The following TUSC3 variants were observed in gnomAD, a reference collection of about 807,000 sequenced individuals.
TUSC3 encodes tumor suppressor candidate 3, also known as dolichyl-diphosphooligosaccharide--protein glycosyltransferase subunit TUSC3.
In TUSC3, 45 loss-of-function variants were observed where a neutral mutation model predicts 44.8. That is an observed-to-expected ratio of 1.00 (90% confidence interval 0.79 to 1.29). The LOEUF is 1.29. TUSC3 is among the 50% of genes most tolerant of loss of function. The pLI is 0.00. For synonymous variants in TUSC3, 212 were observed against 152.9 expected, an observed-to-expected ratio of 1.39 and a Z score of -2.85; for missense variants, 519 against 437.9, an observed-to-expected ratio of 1.19 and a Z score of -1.65.
At chr8:15,847,754 T>A in the TUSC3 span, among the ~76,000 whole-genome samples, 1 of 152,162 alleles carries the variant, frequency 6.6e-6, no homozygotes, top group Non-Finnish European at 1.5e-5. Context: ...ATTTTCAATA[T>A]ATCTGCTTTT....
At chr8:15,746,323 T>C (rs1811413293) in intron 8 of TUSC3, among the ~76,000 whole-genome samples, 1 of 152,092 alleles carries the variant, frequency 6.6e-6, no homozygotes, top group South Asian at 2.1e-4. Flanking sequence ...TAATTATTCA[T>C]GTTGTGTATG....
At chr8:15,833,730 T>G in the TUSC3 span, among the ~76,000 whole-genome samples, 1 of 152,062 alleles carries the variant, frequency 6.6e-6, no homozygotes, top group Admixed American at 6.6e-5. Context: ...AGAAAATAAC[T>G]AATGGGTACT....
Position 15,677,409 on chromosome 8 carries a change from A to G in TUSC3, c.798+3573A>G, listed in dbSNP as rs968047502. On this transcript the variant is annotated intron_variant, in intron 6 of 10. Transcript: ENST00000503731. ...AGAAAGTAAAGACTCTGGCTCACAGAGACATTTTTATGCCTTTGTCCTGAA... is the reference window on the plus strand; with the variant it reads ...AGAAAGTAAAGACTCTGGCTCACAGGGACATTTTTATGCCTTTGTCCTGAA... Among the ~76,000 whole-genome samples, 26 of 152,254 alleles carry G rather than the reference A, an allele frequency of 1.7e-4. 1 individual carries two copies. The highest frequency in any genetic ancestry group is 3.7e-4 in the Non-Finnish European group (25 of 68,050).
At chr8:15,617,813 C>A (rs145005982) in intron 1 of TUSC3, among the ~76,000 whole-genome samples, 1 of 152,118 alleles carries the variant, frequency 6.6e-6, no homozygotes, top group Non-Finnish European at 1.5e-5. Context: ...CCTGGCTGAT[C>A]ATTTAAAAAT....
chr8:15,756,768 C>A (rs941551102), intron 9 of TUSC3, among the ~76,000 whole-genome samples: 1 of 152,152 alleles, frequency 6.6e-6, no homozygotes, highest in Non-Finnish European at 1.5e-5. Context: ...CCAAATGACA[C>A]CCCCTGGAGT....
At chr8:15,803,183 T>G in the TUSC3 span, among the ~76,000 whole-genome samples, 15 of 150,308 alleles carry the variant, frequency 1.0e-4, no homozygotes, top group Non-Finnish European at 1.6e-4. Flanking sequence ...CCAAATTGCC[T>G]AAAACGTGCT....
intron 7 of TUSC3, among the ~76,000 whole-genome samples, chr8:15,732,684 T>C (rs893726352): frequency 1.3e-5 from 2 of 152,166 alleles, no homozygotes; most frequent in Non-Finnish European, 2.9e-5. Context: ...GTATAACTTA[T>C]AAGGTAATAC....
intron 2 of TUSC3, among the ~76,000 whole-genome samples, chr8:15,491,934 A>C (rs1345660836): frequency 6.6e-6 from 1 of 152,188 alleles, no homozygotes; most frequent in South Asian, 2.1e-4. Context: ...TACAACTTTA[A>C]TACTCTTTAC....
intron 6 of TUSC3, chr8:15,688,871 T>G (rs1808762505): frequency 6.2e-6 from 1 of 161,246 alleles, no homozygotes; most frequent in African/African-American, 2.4e-5. Flanking sequence ...CTAGGTAGGA[T>G]TAAGATACTG....
At chr8:15,468,571 C>T (rs1185262095) in intron 1 of TUSC3, among the ~76,000 whole-genome samples, 1 of 152,048 alleles carries the variant, frequency 6.6e-6, no homozygotes, top group Non-Finnish European at 1.5e-5. Flanking sequence ...TTGTTTTTTA[C>T]CCTTAAATTT....
At chr8:15,449,919 C>G (rs527877621) in intron 1 of TUSC3, among the ~76,000 whole-genome samples, 2 of 152,102 alleles carry the variant, frequency 1.3e-5, no homozygotes, top group African/African-American at 4.8e-5. Flanking sequence ...CTGTGGTATT[C>G]AGTGTAGTCA....
chr8:15,678,504 T>C (rs1808283830), intron 6 of TUSC3, among the ~76,000 whole-genome samples: 1 of 152,168 alleles, frequency 6.6e-6, no homozygotes, highest in East Asian at 1.9e-4. Flanking sequence ...AATAAAAGTC[T>C]CATCAATTAA....
At chr8:15,746,649 C>T (rs1811429300) in intron 8 of TUSC3, among the ~76,000 whole-genome samples, 1 of 151,944 alleles carries the variant, frequency 6.6e-6, no homozygotes, top group Non-Finnish European at 1.5e-5. Context: ...CTTGATCACA[C>T]ATTTCAAGCC....
intron 1 of TUSC3, among the ~76,000 whole-genome samples, chr8:15,570,440 G>T (rs1802832381): frequency 6.6e-6 from 1 of 152,148 alleles, no homozygotes; most frequent in Non-Finnish European, 1.5e-5. Context: ...CATAAATTCA[G>T]ATAGAGGCCT....
chr8:15,562,358 T>A (rs1802508837), intron 1 of TUSC3, among the ~76,000 whole-genome samples: 1 of 152,304 alleles, frequency 6.6e-6, no homozygotes, highest in East Asian at 1.9e-4. Context: ...CCATCCGTCT[T>A]ATCTCCTCTC....
intron 1 of TUSC3, among the ~76,000 whole-genome samples, chr8:15,565,166 C>CTTTTT (rs374023591): frequency 7.1e-6 from 1 of 141,652 alleles, no homozygotes; most frequent in Admixed American, 7.1e-5. Context: ...TGAGGGGAGC[C>CTTTTT]TTTTTTTTTT....
Position 15,650,608 on chromosome 8 carries a change from T to C in TUSC3, c.309-89T>C, listed in dbSNP as rs73665467. 2,681 of 1,125,776 alleles carry C rather than the reference T, an allele frequency of 2.4e-3. 43 individuals carry two copies. In the African/African-American group the frequency reaches 0.037, roughly 16 times the overall value. 69.7% of individuals were successfully genotyped at this position (1,125,776 alleles called of 1,614,324 possible). A position where few individuals can be genotyped will look rare whatever the true frequency, so the allele number is the denominator to read the frequency against. The stretch of plus-strand genomic sequence containing the variant: ...TACAGTCTGTACAAAAACTGGCCAG[T>C]GCTTGTCCTAGGGTTGTCTGTTTTA... On this transcript the variant is annotated intron_variant, in intron 2 of 10. Coordinates refer to ENST00000503731, the MANE Select transcript of TUSC3 (RefSeq NM_006765.4).
intron 1 of TUSC3, among the ~76,000 whole-genome samples, chr8:15,437,345 T>C (rs1331741810): frequency 1.3e-5 from 2 of 152,226 alleles, no homozygotes; most frequent in African/African-American, 4.8e-5. Flanking sequence ...CTCTGTTTAC[T>C]ACATTTCTAA....
chr8:15,555,796 C>CT (rs1177049736), intron 1 of TUSC3, among the ~76,000 whole-genome samples: 5 of 151,256 alleles, frequency 3.3e-5, no homozygotes, highest in African/African-American at 1.2e-4. Flanking sequence ...TCTAAGGAGG[C>CT]TTTTGTTTAG....
Sources: allele counts gnomAD v4.1 joint callset (sites outside exome capture counted in the v4.1 genomes callset), GRCh38; gene constraint gnomAD v4.1.1; transcripts MANE v1.5; gene names NCBI Gene and HGNC (gene_info 2026-07-23, HGNC 2026-07-21).